NTM: variants seen among roughly 807,000 people sequenced by gnomAD.
NTM encodes neurotrimin, also known as IgLON family member 2.
A neutral mutation model predicts 42.1 loss-of-function variants in NTM; 13 were observed. The observed-to-expected ratio is 0.31, with a 90% CI of 0.20 to 0.49. NTM has a LOEUF of 0.49. NTM is among the 20% of genes least tolerant of loss of function. The probability of loss-of-function intolerance (pLI) is 0.99; values close to 1 mark genes in which losing one functional copy is unlikely to be tolerated. For missense variants in NTM, 373 were observed against 452.8 expected, an observed-to-expected ratio of 0.82 and a Z score of 1.60; for synonymous variants, 187 against 179.2, an observed-to-expected ratio of 1.04 and a Z score of -0.35.
intron 4 of NTM, among the ~76,000 whole-genome samples, chr11:132,267,479 AT>A (rs5795769): frequency 0.66 from 94,302 of 143,602 alleles, 31,668 homozygotes; most frequent in Middle Eastern, 0.78. Flanking sequence ...TTCTTGGATG[AT>A]TTTTTTTTTT....
At chr11:131,726,853 A>G (rs1316379716) in intron 1 of NTM, among the ~76,000 whole-genome samples, 1 of 151,312 alleles carries the variant, frequency 6.6e-6, no homozygotes, top group Non-Finnish European at 1.5e-5. Context: ...AGCTGGGAAT[A>G]CAGGTGTGCA....
chr11:131,819,185 G>C (rs2093074868), intron 1 of NTM, among the ~76,000 whole-genome samples: 1 of 152,092 alleles, frequency 6.6e-6, no homozygotes, highest in Non-Finnish European at 1.5e-5. Context: ...GACTGTAAGA[G>C]ACCCTCTAGT....
intron 1 of NTM, among the ~76,000 whole-genome samples, chr11:131,769,091 T>A (rs1355934139): frequency 1.3e-5 from 2 of 152,338 alleles, no homozygotes; most frequent in East Asian, 1.9e-4. Flanking sequence ...GCATAGAGCA[T>A]GTGCTGCAGG....
At chr11:131,878,595 AT>A (rs376163891) in intron 1 of NTM, among the ~76,000 whole-genome samples, 1,953 of 11,066 alleles carry the variant, frequency 0.18, 500 homozygotes, top group African/African-American at 0.26. Context: ...AAAAAAAAAA[AT>A]ATATATATAT....
intron 1 of NTM, among the ~76,000 whole-genome samples, chr11:131,636,286 G>A (rs2064372776): frequency 6.6e-6 from 1 of 152,118 alleles, no homozygotes; most frequent in Non-Finnish European, 1.5e-5. Context: ...TTTTCCGTCT[G>A]TACAACTGAA....
intron 3 of NTM, among the ~76,000 whole-genome samples, chr11:132,192,804 A>G (rs988886163): frequency 1.3e-5 from 2 of 152,188 alleles, no homozygotes; most frequent in Admixed American, 6.5e-5. Context: ...AGGGATAGAG[A>G]AAGATGTATC....
intron 1 of NTM, among the ~76,000 whole-genome samples, chr11:131,728,779 G>C (rs925168428): frequency 2.0e-5 from 3 of 151,464 alleles, no homozygotes; most frequent in African/African-American, 4.9e-5. Context: ...AAGAGGGGTA[G>C]GGCTGAACGT....
At chr11:131,920,046 A>G (rs1179539975) in intron 2 of NTM, among the ~76,000 whole-genome samples, 2 of 152,224 alleles carry the variant, frequency 1.3e-5, no homozygotes, top group African/African-American at 4.8e-5. Context: ...AGATTGTTGC[A>G]TAGCAGGTTG....
At chr11:131,557,101 G>A (rs915173305) in intron 1 of NTM, among the ~76,000 whole-genome samples, 3 of 151,974 alleles carry the variant, frequency 2.0e-5, no homozygotes, top group Non-Finnish European at 2.9e-5. Context: ...AGAGGCAGGC[G>A]ATTCCAGTAT....
At chr11:132,095,158 G>C (rs1036213172) in intron 2 of NTM, among the ~76,000 whole-genome samples, 2 of 152,178 alleles carry the variant, frequency 1.3e-5, no homozygotes, top group Admixed American at 1.3e-4. Flanking sequence ...GGCTGCAGTG[G>C]GTACATTGAA....
rs142817071 is a variant in NTM, at chr11:132,282,976, C to CTTTTTTTTTTTTTTTTTTTTTTTT, written c.527-24711_527-24688dup. Among the ~76,000 whole-genome samples, 170 of 108,972 alleles carry CTTTTTTTTTTTTTTTTTTTTTTTT rather than the reference C, an allele frequency of 1.6e-3. 8 individuals carry two copies. The highest frequency in any genetic ancestry group is 2.1e-3 in the Non-Finnish European group (119 of 55,912). The allele number at this position is 108,972 out of a possible 152,430, so 71.5% of individuals were successfully genotyped here. On this transcript the variant is annotated intron_variant, in intron 4 of 8. Coordinates refer to ENST00000683400, the MANE Select transcript of NTM (RefSeq NM_001352005.2). ...AATGAAACGGGAAATTCCTTTATTC[C>CTTTTTTTTTTTTTTTTTTTTTTTT]TTTTTTTTTTTTTTTTTTTTTTTTT...
At chr11:131,596,381 C>T (rs2059809838) in intron 1 of NTM, among the ~76,000 whole-genome samples, 1 of 152,216 alleles carries the variant, frequency 6.6e-6, no homozygotes. Context: ...AAATACCAGA[C>T]TCTGGCATCA....
chr11:131,652,710 T>C (rs922325449), intron 1 of NTM, among the ~76,000 whole-genome samples: 1 of 152,152 alleles, frequency 6.6e-6, no homozygotes, highest in African/African-American at 2.4e-5. Flanking sequence ...CCCTGCCTGT[T>C]GGGCAGCGGG....
chr11:131,489,058 T>C (rs1017172961), intron 1 of NTM, among the ~76,000 whole-genome samples: 4 of 152,156 alleles, frequency 2.6e-5, no homozygotes, highest in Non-Finnish European at 4.4e-5. Flanking sequence ...TCTGTGAGGG[T>C]TCTTGATTCA....
intron 1 of NTM, among the ~76,000 whole-genome samples, chr11:131,475,854 C>G (rs1246665795): frequency 6.6e-6 from 1 of 151,978 alleles, no homozygotes; most frequent in Non-Finnish European, 1.5e-5. Flanking sequence ...AATGATGTTA[C>G]TGTGAAAAGA....
intron 4 of NTM, among the ~76,000 whole-genome samples, chr11:132,250,391 G>A (rs528698041): frequency 9.2e-5 from 14 of 152,228 alleles, no homozygotes; most frequent in Admixed American, 3.3e-4. Flanking sequence ...AGATTTGTTA[G>A]TATTCTGGAA....
intron 1 of NTM, among the ~76,000 whole-genome samples, chr11:131,511,440 C>A (rs2048235192): frequency 1.3e-5 from 2 of 152,226 alleles, no homozygotes; most frequent in African/African-American, 2.4e-5. Flanking sequence ...CATGCTATTA[C>A]CCTGTCAACT....
At chr11:131,544,170 T>G (rs1037289273) in intron 1 of NTM, among the ~76,000 whole-genome samples, 9 of 152,238 alleles carry the variant, frequency 5.9e-5, no homozygotes, top group Non-Finnish European at 2.9e-5. Context: ...CTTTGATCTT[T>G]TAGGGTTTCC....
At chr11:132,034,767 C>T (rs1042925642) in intron 2 of NTM, among the ~76,000 whole-genome samples, 13 of 152,266 alleles carry the variant, frequency 8.5e-5, no homozygotes, top group East Asian at 1.9e-4. Context: ...TTAACTGTGC[C>T]GAGGCTGGAT....
Sources: allele counts gnomAD v4.1 joint callset (sites outside exome capture counted in the v4.1 genomes callset), GRCh38; gene constraint gnomAD v4.1.1; transcripts MANE v1.5; gene names NCBI Gene and HGNC (gene_info 2026-07-23, HGNC 2026-07-21).